The following CAPN3 variants were observed in gnomAD, a reference collection of about 807,000 sequenced individuals.
CAPN3 encodes calpain-3.
A neutral mutation model predicts 114.0 loss-of-function variants in CAPN3; 88 were observed. That is an observed-to-expected ratio of 0.77 (90% CI 0.65 to 0.92). The LOEUF (loss-of-function observed/expected upper bound fraction) is 0.92, where lower values mean the gene tolerates loss of function less well. Ranked by LOEUF, CAPN3 falls within the 40% of genes least tolerant of loss-of-function variation. The probability of loss-of-function intolerance (pLI) is 0.00; values close to 1 mark genes in which losing one functional copy is unlikely to be tolerated. For synonymous variants in CAPN3, 386 were observed against 382.9 expected, an observed-to-expected ratio of 1.01 and a Z score of -0.09; for missense variants, 1,028 against 1,069.0, an observed-to-expected ratio of 0.96 and a Z score of 0.53.
intron 14 of CAPN3, chr15:42,404,270 G>C (rs1312975720): frequency 2.2e-6 from 1 of 456,404 alleles, no homozygotes; most frequent in East Asian, 6.9e-5. Flanking sequence ...GCCTTGCAAG[G>C]CTTTTGTGAG....
rs764875191 is a variant in CAPN3, at chr15:42,408,160, G to C, written c.1801-51G>C. 7 of 1,257,644 alleles carry C rather than the reference G, an allele frequency of 5.6e-6. No homozygotes were observed. The South Asian group carries it at 7.2e-5, about 13-fold the overall frequency. The allele number at this position is 1,257,644 out of a possible 1,614,324, so 77.9% of individuals were successfully genotyped here. A position where few individuals can be genotyped will look rare whatever the true frequency, so the allele number is the denominator to read the frequency against. On this transcript the variant is annotated intron_variant, in intron 15 of 23. Coordinates refer to ENST00000397163, the MANE Select transcript of CAPN3 (RefSeq NM_000070.3). Reference sequence around the variant, plus strand: ...AGAGAGGTGCTGCCTCAGTGTGCCTGTTCAGACTGTAATCCTCCCTTCCTT... The same window carrying C: ...AGAGAGGTGCTGCCTCAGTGTGCCTCTTCAGACTGTAATCCTCCCTTCCTT...
chr15:42,384,752 C>G (rs990122951), intron 2 of CAPN3, among the ~76,000 whole-genome samples, 200 bp downstream of exon 2: 5 of 152,206 alleles, frequency 3.3e-5, no homozygotes, highest in Admixed American at 6.5e-5. Flanking sequence ...CTTTAGCACT[C>G]TGCCATGCAT....
chr15:42,380,728 C>CATATATATATAT (rs1263058025), intron 1 of CAPN3, among the ~76,000 whole-genome samples: 4 of 70,100 alleles, frequency 5.7e-5, no homozygotes, highest in East Asian at 3.9e-4. Context: ...CCACCTTCCC[C>CATATATATATAT]ATATATATAT....
intron 1 of CAPN3, among the ~76,000 whole-genome samples, chr15:42,383,049 A>T (rs1443742759): frequency 6.6e-6 from 1 of 152,186 alleles, no homozygotes; most frequent in Non-Finnish European, 1.5e-5. Flanking sequence ...ACGTTTTTGA[A>T]AACGATTGTT....
At chr15:42,407,703 T>C (rs1258103796) in intron 15 of CAPN3, among the ~76,000 whole-genome samples, 1 of 152,226 alleles carries the variant, frequency 6.6e-6, no homozygotes, top group Non-Finnish European at 1.5e-5. Flanking sequence ...CCACTGACCA[T>C]GCCACTAATC....
At position 42,409,325 on chromosome 15, in the gene CAPN3, A is replaced by T; in HGVS notation, c.1937A>T (p.Gln646Leu). Reference protein sequence around the residue: ...SPQPQPGSSDQESEEQQQFRN... With the variant: ...SPQPQPGSSDLESEEQQQFRN... The stretch of plus-strand genomic sequence containing the variant: ...CAGCCACAGCCTGGCAGCTCTGATC[A>T]GGAAAGTGAGGAACAGCAACAATTC... The change falls in exon 17 of 24, where the codon CAG becomes CTG. Residue 646 changes from glutamine (Q) to leucine (L), a missense_variant. Transcript: ENST00000397163. 1 of 1,614,208 alleles carries T rather than the reference A, an allele frequency of 6.2e-7. No individual in the cohort carries two copies. Among genetic ancestry groups the T allele is most frequent in the Non-Finnish European group, 8.5e-7 (1 of 1,180,024 alleles).
intron 10 of CAPN3, among the ~76,000 whole-genome samples, chr15:42,401,205 A>G (rs78275513): frequency 6.6e-6 from 1 of 151,810 alleles, no homozygotes; most frequent in Admixed American, 6.6e-5. Flanking sequence ...AAAAAAAAAA[A>G]GTGAGAGAGA....
chr15:42,387,631 A>G, intron 3 of CAPN3, 122 bp from the exon 4 acceptor site: 1 of 1,233,370 alleles, frequency 8.1e-7, no homozygotes. Context: ...AGGCACCCAG[A>G]TGCAGAGTCC....
At chr15:42,364,505 G>C (rs567849374) in intron 1 of CAPN3, among the ~76,000 whole-genome samples, 14 of 152,300 alleles carry the variant, frequency 9.2e-5, no homozygotes, top group Admixed American at 8.5e-4. Context: ...ATTAGCTACA[G>C]CAATGTGTTT....
intron 16 of CAPN3, chr15:42,409,096 G>C (rs2054119478): frequency 3.3e-6 from 2 of 600,360 alleles, no homozygotes; most frequent in Non-Finnish European, 6.0e-6. Flanking sequence ...CTTTGGCTGG[G>C]GGCGTCAGGG....
At chr15:42,405,757 C>T (rs956432048) in intron 14 of CAPN3, among the ~76,000 whole-genome samples, 169 bp from the exon 15 acceptor site, 1 of 152,098 alleles carries the variant, frequency 6.6e-6, no homozygotes, top group South Asian at 2.1e-4. Flanking sequence ...GAATTCTCTT[C>T]TCCCTTCACC....
chr15:42,390,018 G>A lies in CAPN3; in HGVS notation c.867G>A (p.Arg289=). ...TGAACATGGGGGAGTTGATTGCACGGATGGTAAGGAATATGGATAACTCAC... is the reference window on the plus strand; with the variant it reads ...TGAACATGGGGGAGTTGATTGCACGAATGGTAAGGAATATGGATAACTCAC... ...SGLNMGELIA[R]MVRNMDNSLL... Residue 289 remains arginine, a synonymous_variant, in exon 6 of 24, where the codon CGG becomes CGA. Coordinates refer to ENST00000397163, the MANE Select transcript of CAPN3 (RefSeq NM_000070.3). 1 of 1,614,134 alleles carries A rather than the reference G, an allele frequency of 6.2e-7. No homozygotes were observed. Among genetic ancestry groups the A allele is most frequent in the Non-Finnish European group, 8.5e-7 (1 of 1,180,018 alleles).
At chr15:42,397,631 A>G (rs2053735535) in intron 9 of CAPN3, among the ~76,000 whole-genome samples, 1 of 150,076 alleles carries the variant, frequency 6.7e-6, no homozygotes, top group Non-Finnish European at 1.5e-5. Context: ...GCGACAAGAG[A>G]GACTCTGTCT....
chr15:42,405,668 C>T (rs1315467736), intron 14 of CAPN3, among the ~76,000 whole-genome samples: 1 of 152,112 alleles, frequency 6.6e-6, no homozygotes, highest in Non-Finnish European at 1.5e-5. Context: ...AGATCTTTTT[C>T]CTTGCCATAT....
intron 1 of CAPN3, among the ~76,000 whole-genome samples, chr15:42,372,896 G>A (rs1349836043): frequency 6.6e-6 from 1 of 151,708 alleles, no homozygotes; most frequent in Non-Finnish European, 1.5e-5. Flanking sequence ...TAATGCCAAA[G>A]TCATGGTTTC....
At chr15:42,401,847 A>G in intron 11 of CAPN3, 37 bp downstream of exon 11, 1 of 1,596,190 alleles carries the variant, frequency 6.3e-7, no homozygotes, top group East Asian at 2.3e-5. Flanking sequence ...CAGGAAACAT[A>G]CTTTCCCAGG....
intron 16 of CAPN3, 34 bp from the exon 17 acceptor site, chr15:42,409,269 C>G (rs1183941766): frequency 6.2e-7 from 1 of 1,606,942 alleles, no homozygotes; most frequent in East Asian, 2.2e-5. Context: ...CACCTCTGAC[C>G]CCTGTGAACC....
intron 14 of CAPN3, chr15:42,404,186 A>G (rs776973601): frequency 1.5e-5 from 7 of 458,830 alleles, no homozygotes; most frequent in South Asian, 1.1e-4. Flanking sequence ...TCCACTTACC[A>G]GCGGGGTGAC....
At chr15:42,399,893 C>T (rs981628305) in intron 10 of CAPN3, among the ~76,000 whole-genome samples, 1 of 152,146 alleles carries the variant, frequency 6.6e-6, no homozygotes, top group Non-Finnish European at 1.5e-5. Context: ...GAGGTTATGT[C>T]CAGATAAGCC....
Sources: allele counts gnomAD v4.1 joint callset (sites outside exome capture counted in the v4.1 genomes callset), GRCh38; gene constraint gnomAD v4.1.1; transcripts MANE v1.5; gene names NCBI Gene and HGNC (gene_info 2026-07-23, HGNC 2026-07-21).